ZNF701: variants seen among roughly 807,000 people sequenced by gnomAD.
ZNF701 encodes the protein zinc finger protein 701.
Under a neutral mutation model 7.1 loss-of-function variants are expected in ZNF701, and 6 were observed. That is an observed-to-expected ratio of 0.84 (90% CI 0.46 to 1.66). The LOEUF is 1.66. Among genes scored for constraint, ZNF701 ranks in the 40% most tolerant of loss-of-function variants. ZNF701 has a pLI of 0.01. For synonymous variants in ZNF701, 166 were observed against 188.2 expected (o/e 0.88, Z 0.97); for missense variants, 541 against 559.2 (o/e 0.97, Z 0.33).
chr19:52,591,230 T>C (rs747526982), downstream of ZNF701, among the ~76,000 whole-genome samples: 22 of 152,166 alleles, frequency 1.4e-4, no homozygotes, highest in Non-Finnish European at 2.6e-4. Context: ...CAGGCTGGAG[T>C]GCAGTGGTGC....
intron 3 of ZNF701, among the ~76,000 whole-genome samples, chr19:52,578,141 C>T (rs910301140): frequency 1.3e-5 from 2 of 150,458 alleles, no homozygotes; most frequent in Non-Finnish European, 3.0e-5. Context: ...GTAGTCCCAG[C>T]TACTCGGGAG....
rs760168165 is a variant in ZNF701 at position 52,574,062 on chromosome 19, A to G, written c.-71-15A>G. On this transcript the variant is annotated splice_polypyrimidine_tract_variant and intron_variant, in intron 1 of 3. Transcript: ENST00000391785. ...GTTGATTCTGAGCAGTAAACAACATATTTCTAACATTCAGGATTGACTTCT... is the reference window on the plus strand; with the variant it reads ...GTTGATTCTGAGCAGTAAACAACATGTTTCTAACATTCAGGATTGACTTCT... 6.2e-7 allele frequency: 1 copy of G among 1,608,686 alleles called. No homozygotes were observed. The highest frequency in any genetic ancestry group is 2.2e-5 in the East Asian group (1 of 44,808).
intron 1 of ZNF701, chr19:52,572,762 C>T: frequency 2.6e-6 from 1 of 384,634 alleles, no homozygotes; most frequent in South Asian, 2.0e-5. Flanking sequence ...CTCCACAGCC[C>T]TGTGTCCAGG....
At chr19:52,582,126 A>G in intron 3 of ZNF701, 76 bp from the exon 4 acceptor site, 1 of 1,275,614 alleles carries the variant, frequency 7.8e-7, no homozygotes. Context: ...ATTGTTTTTT[A>G]TGTAATATTT....
At chr19:52,580,835 A>C (rs1028071764) in intron 3 of ZNF701, among the ~76,000 whole-genome samples, 1 of 152,160 alleles carries the variant, frequency 6.6e-6, no homozygotes, top group South Asian at 2.1e-4. Flanking sequence ...TTACTGTCAC[A>C]AAGTGCTGCT....
intron 3 of ZNF701, among the ~76,000 whole-genome samples, chr19:52,577,718 G>A (rs934968165): frequency 2.0e-5 from 3 of 152,026 alleles, no homozygotes; most frequent in Non-Finnish European, 4.4e-5. Flanking sequence ...GACCGCGAAA[G>A]GGGGTCTCCT....
At chr19:52,589,947 C>A (rs972272052), downstream of ZNF701, among the ~76,000 whole-genome samples, 3 of 152,050 alleles carry the variant, frequency 2.0e-5, no homozygotes, top group South Asian at 6.2e-4. Flanking sequence ...GTGCGCACCA[C>A]TACACCTGCC....
At chr19:52,575,097 G>T (rs2059924767) in intron 2 of ZNF701, among the ~76,000 whole-genome samples, 1 of 152,126 alleles carries the variant, frequency 6.6e-6, no homozygotes, top group African/African-American at 2.4e-5. Flanking sequence ...AGCCTCCTGA[G>T]TAGCTGGGAC....
the ZNF701 span, chr19:52,596,518 C>T: frequency 2.4e-6 from 1 of 415,552 alleles, no homozygotes; most frequent in African/African-American, 2.1e-5. Flanking sequence ...AGAGTTCATA[C>T]TGGAGAGAAA....
the ZNF701 span, chr19:52,592,215 C>T: frequency 5.1e-5 from 80 of 1,578,122 alleles, no homozygotes; most frequent in Non-Finnish European, 6.4e-5. Flanking sequence ...ACTACAGGAA[C>T]CTGGAGTTTG....
At chr19:52,571,859 T>C (rs1255542194) in intron 1 of ZNF701, among the ~76,000 whole-genome samples, 2 of 152,024 alleles carry the variant, frequency 1.3e-5, no homozygotes, top group Non-Finnish European at 2.9e-5. Flanking sequence ...GTTTCGCTCT[T>C]GTTGCCCGTG....
chr19:52,591,323 G>A (rs137896332), downstream of ZNF701, among the ~76,000 whole-genome samples: 679 of 151,668 alleles, frequency 4.5e-3, 4 homozygotes, highest in African/African-American at 0.016. Context: ...GATTACAGGC[G>A]CTTTCCCCCA....
At chr19:52,591,852 G>A (rs1369265989), downstream of ZNF701, among the ~76,000 whole-genome samples, 1 of 152,064 alleles carries the variant, frequency 6.6e-6, no homozygotes, top group Non-Finnish European at 1.5e-5. Context: ...CACTGCACCT[G>A]GCCATATATT....
downstream of ZNF701, among the ~76,000 whole-genome samples, chr19:52,587,737 C>T (rs2060020510): frequency 6.6e-6 from 1 of 152,212 alleles, no homozygotes; most frequent in Non-Finnish European, 1.5e-5. Flanking sequence ...CCTGACTTCA[C>T]ATTACAGTTT....
chr19:52,597,521 G>T, the ZNF701 span: 2 of 373,094 alleles, frequency 5.4e-6, no homozygotes, highest in Non-Finnish European at 1.0e-5. Context: ...TTGAGTTTAA[G>T]AATTAATTTA....
downstream of ZNF701, among the ~76,000 whole-genome samples, chr19:52,589,564 C>T (rs1181750674): frequency 6.6e-6 from 1 of 151,148 alleles, no homozygotes; most frequent in Non-Finnish European, 1.5e-5. Flanking sequence ...ACTGCAGCCT[C>T]CACCTCCCGG....
Position 52,580,195 on chromosome 19 carries a change from G to C in ZNF701, c.143-2007G>C, listed in dbSNP as rs567277058. ...CCTGACCTTGTGATCCATCCACCTCGGCCTCCCAGAGTGCTGGGATTACAG... is the reference window on the plus strand; with the variant it reads ...CCTGACCTTGTGATCCATCCACCTCCGCCTCCCAGAGTGCTGGGATTACAG... On this transcript the variant is annotated intron_variant, in intron 3 of 3. Coordinates refer to ENST00000391785, the MANE Select transcript of ZNF701 (RefSeq NM_018260.3). Among the ~76,000 whole-genome samples the C allele has an allele frequency of 5.1e-4, 65 of 128,064 alleles. 4 individuals carry two copies. Among genetic ancestry groups the C allele is most frequent in the Non-Finnish European group, 9.3e-4 (60 of 64,588 alleles). 84.0% of individuals were successfully genotyped at this position (128,064 alleles called of 152,430 possible). A position where few individuals can be genotyped will look rare whatever the true frequency, so the allele number is the denominator to read the frequency against.
Position 52,582,914 on chromosome 19 carries a change from G to C in ZNF701, c.855G>C (p.Leu285=). ...CGKTFSHNSA[L]LVHKAIHTGE... is the part of the protein sequence containing the mutation. Reference sequence around the variant, plus strand: ...AGACATTCAGTCACAATTCAGCCCTGTTAGTTCACAAGGCAATTCATACTG... The same window carrying C: ...AGACATTCAGTCACAATTCAGCCCTCTTAGTTCACAAGGCAATTCATACTG... The change falls in exon 4 of 4, where the codon CTG becomes CTC. Residue 285 remains leucine (L), a synonymous_variant. Coordinates refer to ENST00000391785, the MANE Select transcript of ZNF701 (RefSeq NM_018260.3). 1.2e-6 allele frequency: 2 copies of C among 1,613,872 alleles called. No homozygotes were observed. Among genetic ancestry groups the C allele is most frequent in the Non-Finnish European group, 1.7e-6 (2 of 1,179,892 alleles).
chr19:52,590,645 G>T (rs1407601870), downstream of ZNF701, among the ~76,000 whole-genome samples: 2 of 152,028 alleles, frequency 1.3e-5, no homozygotes, highest in African/African-American at 4.8e-5. Context: ...CAGGCTGGAG[G>T]ACAGTGGTAC....
Sources: allele counts gnomAD v4.1 joint callset (sites outside exome capture counted in the v4.1 genomes callset), GRCh38; gene constraint gnomAD v4.1.1; transcripts MANE v1.5; gene names NCBI Gene and HGNC (gene_info 2026-07-23, HGNC 2026-07-21).